The following DMPK variants were observed in gnomAD, a reference collection of about 807,000 sequenced individuals.
DMPK encodes DM1 protein kinase, also known as myotonin-protein kinase.
Under a neutral mutation model 70.3 loss-of-function variants are expected in DMPK, and 32 were observed. The observed-to-expected ratio is 0.46, with a 90% CI of 0.34 to 0.61. DMPK has a LOEUF of 0.61. DMPK is among the 20% of genes least tolerant of loss of function. The pLI is 0.01. For missense variants in DMPK, 899 were observed against 886.0 expected (o/e 1.01, Z -0.19); for synonymous variants, 469 against 390.9 (o/e 1.20, Z -2.36).
intron 5 of DMPK, 95 bp from the exon 6 acceptor site, chr19:45,778,315 A>C: frequency 7.2e-7 from 1 of 1,396,634 alleles, no homozygotes; most frequent in Non-Finnish European, 9.9e-7. Flanking sequence ...CTGGGACCCC[A>C]CTTCCTCGGG....
In DMPK at chr19:45,770,280, G is replaced by A. The variant is rs900991504; in HGVS notation, c.*208C>T. On this transcript the variant is annotated 3_prime_UTR_variant, in exon 15 of 15. Coordinates refer to ENST00000291270, the MANE Select transcript of DMPK (RefSeq NM_004409.5). ...GCAGCAGCAGCATTCCCGGCTACAA[G>A]GACCCTTCGAGCCCCGTTCGCCGGC... is the stretch of plus-strand genomic sequence containing the variant. 4.1e-5 allele frequency: 30 copies of A among 726,662 alleles called. No individual in the cohort carries two copies. Among genetic ancestry groups the A allele is most frequent in the Middle Eastern group, 4.0e-4 (1 of 2,518 alleles). The allele number at this position is 726,662 out of a possible 1,614,324, so 45.0% of individuals were successfully genotyped here. A position where few individuals can be genotyped will look rare whatever the true frequency, so the allele number is the denominator to read the frequency against.
chr19:45,777,411 A>T lies in DMPK; in HGVS notation c.1062T>A (p.Phe354Leu). Residue 354 changes from phenylalanine to leucine, a missense_variant, in exon 8 of 15, where the codon TTT (phenylalanine) becomes TTA (leucine). Physicochemically the swap from Phe to Leu is conservative, Grantham distance 22. Around this residue, in one of 3 missense-constraint regions of DMPK, gnomAD observed 555 missense variants for 483.8 expected, o/e 1.15. Transcript: ENST00000291270. The surrounding 1 kb of genome is among the most constrained non-coding windows in gnomAD (Gnocchi z 6.7). ...CGGTGGCACCTTCGAAATCCGGTGT[A>T]AAGGGGGGCACGCTGTCCCGGAGAC... is the stretch of plus-strand genomic sequence containing the variant. ...WDGLRDSVPP[F>L]TPDFEGATDT... 6.2e-7 allele frequency: 1 copy of T among 1,613,212 alleles called. No individual in the cohort carries two copies. The highest frequency in any genetic ancestry group is 8.5e-7 in the Non-Finnish European group (1 of 1,179,866).
chr19:45,770,876 G>A, intron 14 of DMPK, 95 bp downstream of exon 14: 15 of 1,086,318 alleles, frequency 1.4e-5, no homozygotes, highest in Non-Finnish European at 1.1e-5. Flanking sequence ...TCCTGCCGTG[G>A]GCCCAGCCCC....
rs764870708 is a variant in DMPK, at chr19:45,778,207, C to T, written c.595G>A (p.Asp199Asn). The change falls in exon 6 of 15, where the codon GAC becomes AAC. Residue 199 changes from aspartate to asparagine, a missense_variant. Transcript: ENST00000291270. ...LGYVHRDIKP[D>N]NILLDRCGHI... ...CCACAGCGGTCCAGCAGGATGTTGT[C>T]GGGTTTGATGTCCCTGCACGGAGGA... 4.3e-6 allele frequency: 7 copies of T among 1,613,606 alleles called. No homozygotes were observed. Among genetic ancestry groups the T allele is most frequent in the Admixed American group, 3.3e-5 (2 of 59,978 alleles).
At chr19:45,778,929 C>G in intron 4 of DMPK, 1 of 567,504 alleles carries the variant, frequency 1.8e-6, no homozygotes, top group Non-Finnish European at 3.1e-6. Context: ...CACCCAACAC[C>G]CAGAGAATAG....
In DMPK at chr19:45,770,517, G is replaced by A. The variant is rs1000529688; in HGVS notation, c.1861C>T (p.Arg621Cys). The change falls in exon 15 of 15, where the codon CGC becomes TGC. Residue 621 changes from arginine to cysteine, a missense_variant. Arg to Cys is a radical substitution (Grantham distance 180, BLOSUM62 -3). Transcript: ENST00000291270. ...GGAGCGCGGGCGGCTCCTGGGCGGC[G>A]CCAGACTGCGGTGAGTTGGCCGGCG... is the stretch of plus-strand genomic sequence containing the variant. ...AHAGQLTAVW[R>C]RPGAARAP is the part of the protein sequence containing the mutation. The A allele has an allele frequency of 3.2e-6, 5 of 1,550,416 alleles. No homozygotes were observed. In the African/African-American group the frequency reaches 6.8e-5, roughly 21 times the overall value.
intron 10 of DMPK, 146 bp from the exon 11 acceptor site, chr19:45,772,074 T>G (rs954532446): frequency 8.9e-7 from 1 of 1,118,576 alleles, no homozygotes; most frequent in Non-Finnish European, 1.2e-6. Context: ...CCTGCAATGA[T>G]CCAAGCCCCC....
intron 11 of DMPK, 44 bp from the exon 12 acceptor site, chr19:45,771,709 AG>A: frequency 6.2e-7 from 1 of 1,611,320 alleles, no homozygotes; most frequent in Non-Finnish European, 8.5e-7. Context: ...GCCGGACGAG[AG>A]GGGATGCCAA....
chr19:45,780,614 T>TG, intron 1 of DMPK: 1 of 1,005,232 alleles, frequency 9.9e-7, no homozygotes, highest in Non-Finnish European at 1.2e-6. Context: ...TCAGGGACTG[T>TG]GGGGACAGGG....
chr19:45,770,402 T>C lies in DMPK; in HGVS notation c.*86A>G. 2.0e-6 allele frequency: 3 copies of C among 1,485,810 alleles called. No individual in the cohort carries two copies. Among genetic ancestry groups the C allele is most frequent in the Admixed American group, 2.0e-5 (1 of 50,778 alleles). 92.0% of individuals were successfully genotyped at this position (1,485,810 alleles called of 1,614,324 possible). ...ACCCACGCTCGGAGCGGTTGTGAACTGGCAGGCGGTGGGCGCGGCTTCTGT... is the reference window on the plus strand; with the variant it reads ...ACCCACGCTCGGAGCGGTTGTGAACCGGCAGGCGGTGGGCGCGGCTTCTGT... On this transcript the variant is annotated 3_prime_UTR_variant, in exon 15 of 15. Transcript: ENST00000291270.
chr19:45,776,134 A>AT (rs534946812), intron 8 of DMPK, among the ~76,000 whole-genome samples: 1,239 of 48,324 alleles, frequency 0.026, 231 homozygotes, highest in African/African-American at 0.092. Flanking sequence ...GGTCCAGCCT[A>AT]TTTTTTTTTT....
intron 1 of DMPK, chr19:45,780,203 A>C: frequency 6.8e-7 from 1 of 1,469,304 alleles, no homozygotes; most frequent in East Asian, 2.3e-5. Flanking sequence ...AATAAGACCC[A>C]GTTCTTCCAC....
At chr19:45,780,687 G>A in intron 1 of DMPK, 1 of 862,506 alleles carries the variant, frequency 1.2e-6, no homozygotes, top group Non-Finnish European at 1.4e-6. Context: ...GGGTATGGGA[G>A]GGGAGGGAAG....
rs1568586474 is a variant in DMPK at position 45,780,441 on chromosome 19, G to A, written c.161-572C>T. On this transcript the variant is annotated intron_variant, in intron 1 of 14. Coordinates refer to ENST00000291270, the MANE Select transcript of DMPK (RefSeq NM_004409.5). The stretch of plus-strand genomic sequence containing the variant: ...GCATGGTCACATATCCCAGACTCAA[G>A]TGCTCCGGTCCAGCCCATCTCTCAG... 2.3e-6 allele frequency: 3 copies of A among 1,301,534 alleles called. No homozygotes were observed. In the African/African-American group the frequency reaches 4.5e-5, roughly 19 times the overall value. The allele number at this position is 1,301,534 out of a possible 1,614,324, so 80.6% of individuals were successfully genotyped here.
rs750560808 is a variant in DMPK at position 45,777,431 on chromosome 19, G to A, written c.1042C>T (p.Arg348Trp). Residue 348 changes from arginine to tryptophan, a missense_variant, in exon 8 of 15, where the codon CGG becomes TGG. Arg to Trp is a moderately radical substitution (Grantham distance 101). This residue lies in a region of DMPK where 555 missense variants were observed against 483.8 expected (regional missense o/e 1.15). Coordinates refer to ENST00000291270, the MANE Select transcript of DMPK (RefSeq NM_004409.5). This position sits in a 1 kb window ranked among gnomAD's most constrained non-coding sequence, Gnocchi z 6.7. ...FFFGLDWDGL[R>W]DSVPPFTPDF... The stretch of plus-strand genomic sequence containing the variant: ...GGTGTAAAGGGGGGCACGCTGTCCC[G>A]GAGACCATCCCAGTCGAGGCCAAAG... The A allele has an allele frequency of 2.4e-5, 39 of 1,613,394 alleles. No individual in the cohort carries two copies. The highest frequency in any genetic ancestry group is 3.0e-5 in the Non-Finnish European group (35 of 1,180,026).
chr19:45,771,962 G>A lies in DMPK; in HGVS notation c.1345-34C>T, dbSNP rs1247873470. ...GGGGACCAGGCTTAAGGCTGCCTGT[G>A]GCTCCTGGAAGACTCAGGACTTGGG... On this transcript the variant is annotated intron_variant, in intron 10 of 14. Transcript: ENST00000291270. The A allele has an allele frequency of 2.6e-6, 4 of 1,531,468 alleles. No individual in the cohort carries two copies. The South Asian group carries it at 4.9e-5, about 19-fold the overall frequency. The allele number at this position is 1,531,468 out of a possible 1,614,324, so 94.9% of individuals were successfully genotyped here.
In DMPK at chr19:45,782,410, ACAGGGCCTGGCAGCCCCTGTC is replaced by A. The variant is rs1568588996; in HGVS notation, c.-79_-59del. On this transcript the variant is annotated 5_prime_UTR_variant, in exon 1 of 15. Coordinates refer to ENST00000291270, the MANE Select transcript of DMPK (RefSeq NM_004409.5). ...GCCGGGGGCTCGGGGTCCTCCTGTC[ACAGGGCCTGGCAGCCCCTGTC>A]CAGGCCCTGGAGCCCTGGCTGCATG... 2 of 1,479,024 alleles carry A rather than the reference ACAGGGCCTGGCAGCCCCTGTC, an allele frequency of 1.4e-6. No individual in the cohort carries two copies. Among genetic ancestry groups the A allele is most frequent in the Non-Finnish European group, 1.8e-6 (2 of 1,116,064 alleles). The allele number at this position is 1,479,024 out of a possible 1,614,324, so 91.6% of individuals were successfully genotyped here.
rs376773457 is a variant in DMPK at position 45,771,306 on chromosome 19, G to A, written c.1647+44C>T. The A allele has an allele frequency of 5.1e-6, 8 of 1,561,348 alleles. No homozygotes were observed. The East Asian group carries it at 9.0e-5, about 18-fold the overall frequency. On this transcript the variant is annotated intron_variant, in intron 13 of 14. Coordinates refer to ENST00000291270, the MANE Select transcript of DMPK (RefSeq NM_004409.5). ...CCAGGAGCCAGGGAGGGGATCTGCA[G>A]AATGGGCAGCAGGTCTGAGGCAGGG... is the stretch of plus-strand genomic sequence containing the variant.
chr19:45,770,182 A>G lies in DMPK; in HGVS notation c.*306T>C. The G allele has an allele frequency of 1.5e-6, 1 of 689,344 alleles. No homozygotes were observed. Among genetic ancestry groups the G allele is most frequent in the South Asian group, 1.7e-5 (1 of 58,218 alleles). The allele number at this position is 689,344 out of a possible 1,614,324, so 42.7% of individuals were successfully genotyped here. On this transcript the variant is annotated 3_prime_UTR_variant, in exon 15 of 15. Coordinates refer to ENST00000291270, the MANE Select transcript of DMPK (RefSeq NM_004409.5). ...GTCAGGGCCTCAGCCTGGCCGAAAG[A>G]AAGAAATGGTCTGTGATCCCCCCAG...
Sources: allele counts gnomAD v4.1 joint callset (sites outside exome capture counted in the v4.1 genomes callset), GRCh38; gene constraint gnomAD v4.1.1; regional missense constraint gnomAD v4.1.1; non-coding constraint Gnocchi (gnomAD v3.1); transcripts MANE v1.5; gene names NCBI Gene and HGNC (gene_info 2026-07-23, HGNC 2026-07-21).